HDAC9: variants seen among roughly 807,000 people sequenced by gnomAD.
The protein encoded by HDAC9 is MEF-2 interacting transcription repressor (MITR) protein.
HDAC9 carries 41 observed loss-of-function variants against 139.4 expected under a neutral mutation model. The ratio of observed to expected loss-of-function variants is 0.29; its 90% CI spans 0.23 to 0.38. The LOEUF (loss-of-function observed/expected upper bound fraction) is 0.38. Ranked by LOEUF, HDAC9 falls within the 10% of genes least tolerant of loss-of-function variation. The pLI, the probability that HDAC9 is intolerant of heterozygous loss-of-function variation, is 1.00. For missense variants in HDAC9, 1,147 were observed against 1,297.0 expected, an observed-to-expected ratio of 0.88 and a Z score of 1.78; for synonymous variants, 517 against 476.2, an observed-to-expected ratio of 1.09 and a Z score of -1.12.
At chr7:18,195,596 G>T (rs989321042) in intron 2 of HDAC9, among the ~76,000 whole-genome samples, 1 of 152,098 alleles carries the variant, frequency 6.6e-6, no homozygotes, top group African/African-American at 2.4e-5. Context: ...TACTCTAGGG[G>T]GTTCCACTGT....
rs879232854 is a variant in HDAC9, at chr7:18,767,256, G to A, written c.2214+101G>A. 41 of 605,040 alleles carry A rather than the reference G, an allele frequency of 6.8e-5. No individual in the cohort carries two copies. In the South Asian group the frequency reaches 1.2e-3, roughly 18 times the overall value. 37.5% of individuals were successfully genotyped at this position (605,040 alleles called of 1,614,324 possible). A position where few individuals can be genotyped will look rare whatever the true frequency, so the allele number is the denominator to read the frequency against. On this transcript the variant is annotated intron_variant, in intron 16 of 25. Transcript: ENST00000686413. ...GTTTTAGGGTTATTTCTCAGTAAAA[G>A]TTATGCTAGACTTCAGGACTGCCTA... is the stretch of plus-strand genomic sequence containing the variant.
intron 1 of HDAC9, among the ~76,000 whole-genome samples, chr7:18,092,069 C>T (rs1782190673): frequency 6.6e-6 from 1 of 152,144 alleles, no homozygotes; most frequent in Admixed American, 6.5e-5. Context: ...AGGGTATGTC[C>T]ACCACATTGA....
chr7:18,727,791 G>A (rs1287515637), intron 13 of HDAC9, 34 bp downstream of exon 13: 11 of 1,403,932 alleles, frequency 7.8e-6, no homozygotes, highest in Non-Finnish European at 9.4e-6. Flanking sequence ...CTAATAGGCA[G>A]GCTAAATGCC....
At position 18,653,042 on chromosome 7, in the gene HDAC9, G is replaced by A. The variant is rs148220670; in HGVS notation, c.1467+4359G>A. On this transcript the variant is annotated intron_variant, in intron 11 of 25. Coordinates refer to ENST00000686413, the MANE Select transcript of HDAC9 (RefSeq NM_178425.4). ...AGCTGAGGTGGGGAGTTCGAGACCA[G>A]CCTGACCAACATGGAGAAACCCCGT... Among the ~76,000 whole-genome samples, 18 of 152,150 alleles carry A rather than the reference G, an allele frequency of 1.2e-4. 1 individual carries two copies. In the East Asian group the frequency reaches 3.5e-3, roughly 29 times the overall value.
chr7:18,666,587 CTA>C lies in HDAC9; in HGVS notation c.1731+113_1731+114del. 8 of 1,497,214 alleles carry C rather than the reference CTA, an allele frequency of 5.3e-6. No individual in the cohort carries two copies. In the South Asian group the frequency reaches 9.5e-5, roughly 18 times the overall value. The allele number at this position is 1,497,214 out of a possible 1,614,324, so 92.7% of individuals were successfully genotyped here. ...TGATTTCCTATCAGTTTATATTTCT[CTA>C]TGATTTGAGTTCAGTGTTTAAGGAT... On this transcript the variant is annotated intron_variant, in intron 12 of 25. Transcript: ENST00000686413.
intron 1 of HDAC9, chr7:18,087,260 C>T (rs1227167525): frequency 1.3e-5 from 2 of 152,150 alleles, no homozygotes; most frequent in African/African-American, 4.8e-5. Flanking sequence ...TGAGGAAAGC[C>T]CTGGGAATTG....
intron 16 of HDAC9, among the ~76,000 whole-genome samples, chr7:18,789,782 T>A (rs1792144451): frequency 6.6e-6 from 1 of 152,164 alleles, no homozygotes; most frequent in Non-Finnish European, 1.5e-5. Context: ...CTCCAAAATA[T>A]CTTATTCTAT....
At chr7:18,321,519 T>G (rs1455638661) in intron 1 of HDAC9, among the ~76,000 whole-genome samples, 2 of 152,168 alleles carry the variant, frequency 1.3e-5, no homozygotes, top group African/African-American at 4.8e-5. Context: ...TATATGCTTT[T>G]TAAAAAAATG....
intron 25 of HDAC9, among the ~76,000 whole-genome samples, chr7:18,990,299 A>AC (rs1189387927): frequency 3.3e-5 from 5 of 152,064 alleles, no homozygotes; most frequent in South Asian, 2.1e-4. Flanking sequence ...CTGTTGGAGT[A>AC]CCTGGCCATG....
At chr7:18,242,187 C>G (rs975914335) in intron 2 of HDAC9, among the ~76,000 whole-genome samples, 3 of 152,214 alleles carry the variant, frequency 2.0e-5, no homozygotes, top group African/African-American at 4.8e-5. Flanking sequence ...ATTTTCCCCC[C>G]ACTAGCCTCT....
At chr7:18,759,787 G>A (rs1429225755) in intron 14 of HDAC9, among the ~76,000 whole-genome samples, 1 of 152,108 alleles carries the variant, frequency 6.6e-6, no homozygotes, top group Non-Finnish European at 1.5e-5. Flanking sequence ...GTTTAAATGT[G>A]TGATTGAGCA....
rs576852098 is a variant in HDAC9, at chr7:18,585,268, T to G, written c.23-13T>G. Reference sequence around the variant, plus strand: ...CTCCCCCACCCCATTTCCCTTTTTTTCTGGTTCTTTAGTGGATGTGAAGTC... The same window carrying G: ...CTCCCCCACCCCATTTCCCTTTTTTGCTGGTTCTTTAGTGGATGTGAAGTC... On this transcript the variant is annotated splice_polypyrimidine_tract_variant and intron_variant, in intron 2 of 25. Coordinates refer to ENST00000686413, the MANE Select transcript of HDAC9 (RefSeq NM_178425.4). 6.2e-7 allele frequency: 1 copy of G among 1,610,732 alleles called. No individual in the cohort carries two copies. Among genetic ancestry groups the G allele is most frequent in the Non-Finnish European group, 8.5e-7 (1 of 1,178,028 alleles).
intron 21 of HDAC9, among the ~76,000 whole-genome samples, chr7:18,845,044 A>G (rs773431653): frequency 3.3e-5 from 5 of 152,174 alleles, no homozygotes; most frequent in Non-Finnish European, 7.4e-5. Context: ...TATTTTACTG[A>G]CTCAGTTTCA....
At chr7:18,220,598 A>G (rs190505080) in intron 2 of HDAC9, among the ~76,000 whole-genome samples, 1 of 152,270 alleles carries the variant, frequency 6.6e-6, no homozygotes, top group Admixed American at 6.5e-5. Context: ...ACAGATAACC[A>G]TGTAGTGTTT....
At chr7:18,845,081 A>G (rs1335289379) in intron 21 of HDAC9, among the ~76,000 whole-genome samples, 1 of 152,196 alleles carries the variant, frequency 6.6e-6, no homozygotes, top group Non-Finnish European at 1.5e-5. Flanking sequence ...CTAAATCATT[A>G]GAAGAACTGA....
chr7:18,815,477 A>G (rs923637082), intron 17 of HDAC9, among the ~76,000 whole-genome samples: 3 of 152,210 alleles, frequency 2.0e-5, no homozygotes, highest in African/African-American at 7.2e-5. Context: ...TATTATTTTC[A>G]TAAAAGGCTC....
At chr7:18,206,918 G>A (rs970708272) in intron 2 of HDAC9, among the ~76,000 whole-genome samples, 3 of 144,620 alleles carry the variant, frequency 2.1e-5, no homozygotes, top group Admixed American at 7.4e-5. Context: ...AAAATGATTC[G>A]AGATATCTTT....
intron 25 of HDAC9, among the ~76,000 whole-genome samples, chr7:18,988,794 A>C (rs1279968524): frequency 2.0e-5 from 3 of 151,764 alleles, no homozygotes; most frequent in Admixed American, 1.3e-4. Context: ...TTCTTGTTGA[A>C]TTGACCCCTT....
intron 2 of HDAC9, among the ~76,000 whole-genome samples, chr7:18,174,263 G>A (rs960154207): frequency 3.3e-4 from 50 of 151,992 alleles, no homozygotes; most frequent in Middle Eastern, 3.2e-3. Flanking sequence ...TTGTGCATGC[G>A]TCATGTAGTT....
Sources: gnomAD v4.1 joint callset for allele counts (sites outside exome capture counted in the v4.1 genomes callset) on GRCh38, gnomAD v4.1.1 for gene constraint, MANE v1.5 for transcripts, NCBI Gene and HGNC (gene_info 2026-07-23, HGNC 2026-07-21) for gene names.